The following BLTP1 variants were observed in gnomAD, a reference collection of about 807,000 sequenced individuals.
The protein encoded by BLTP1 is fragile site-associated protein.
chr4:122,160,438 G>C, the BLTP1 span, among the ~76,000 whole-genome samples: 3 of 152,174 alleles, frequency 2.0e-5, no homozygotes, highest in African/African-American at 7.2e-5. Context: ...AATGAGTAAT[G>C]TCAACCTTTT....
the BLTP1 span, chr4:122,246,105 G>A: frequency 1.3e-5 from 19 of 1,511,750 alleles, no homozygotes; most frequent in Non-Finnish European, 1.7e-5. Context: ...GGATGATGTG[G>A]AAGTTATGAA....
At chr4:122,289,071 TGA>T in the BLTP1 span, 4 of 1,604,390 alleles carry the variant, frequency 2.5e-6, no homozygotes, top group Non-Finnish European at 3.4e-6. Context: ...TAATCTAATA[TGA>T]TTTTGTCTGG....
chr4:122,353,191 A>G, the BLTP1 span: 8 of 1,602,370 alleles, frequency 5.0e-6, no homozygotes, highest in East Asian at 8.9e-5. This position sits in a 1 kb window ranked among gnomAD's most constrained non-coding sequence, Gnocchi z 4.3. Context: ...ACTTTCTCCT[A>G]TCTTCTGTTA....
chr4:122,340,450 T>A, the BLTP1 span, among the ~76,000 whole-genome samples: 1 of 152,142 alleles, frequency 6.6e-6, no homozygotes, highest in African/African-American at 2.4e-5. Flanking sequence ...TAGATTCAAA[T>A]CTTTATTCTA....
At chr4:122,324,916 T>C in the BLTP1 span, among the ~76,000 whole-genome samples, 3 of 151,940 alleles carry the variant, frequency 2.0e-5, no homozygotes, top group Non-Finnish European at 4.4e-5. Flanking sequence ...AAAGGTATAG[T>C]CACACAGACA....
At chr4:122,226,867 A>G in the BLTP1 span, 6 of 1,507,328 alleles carry the variant, frequency 4.0e-6, no homozygotes, top group Non-Finnish European at 2.7e-6. Context: ...CAATATTATA[A>G]ACATTTATGA....
chr4:122,234,672 T>C, the BLTP1 span: 2,506 of 1,251,900 alleles, frequency 2.0e-3, 3 homozygotes, highest in Non-Finnish European at 2.2e-3. Context: ...TTTAAAAATA[T>C]TTACAATTAA....
chr4:122,165,708 A>G, the BLTP1 span, among the ~76,000 whole-genome samples: 1 of 127,800 alleles, frequency 7.8e-6, no homozygotes, highest in African/African-American at 2.6e-5. Context: ...AAGTGTTCCT[A>G]TTTCTCCACA....
the BLTP1 span, chr4:122,328,409 G>T: frequency 1.3e-6 from 2 of 1,505,156 alleles, no homozygotes; most frequent in Non-Finnish European, 1.8e-6. Flanking sequence ...ATCTAGAAAT[G>T]AGCACAAAAT....
chr4:122,306,083 A>G, the BLTP1 span: 2 of 1,545,216 alleles, frequency 1.3e-6, no homozygotes, highest in South Asian at 1.3e-5. Context: ...TCTGGGATCT[A>G]GGAATGCTTT....
At chr4:122,153,892 CGT>C in the BLTP1 span, 1 of 540,230 alleles carries the variant, frequency 1.9e-6, no homozygotes, top group Non-Finnish European at 2.4e-6. Context: ...AACAAGGAAA[CGT>C]AATATTGGAC....
chr4:122,282,703 ATT>A, the BLTP1 span, among the ~76,000 whole-genome samples: 2 of 152,074 alleles, frequency 1.3e-5, no homozygotes, highest in Admixed American at 1.3e-4. Context: ...TGTCTTACCC[ATT>A]CTTTTGCTTT....
chr4:122,180,363 T>C, the BLTP1 span, among the ~76,000 whole-genome samples: 1 of 152,202 alleles, frequency 6.6e-6, no homozygotes, highest in Admixed American at 6.5e-5. Context: ...TATATTTGTT[T>C]TCAAGTTATT....
chr4:122,325,956 A>AAG, the BLTP1 span: 1 of 554,670 alleles, frequency 1.8e-6, no homozygotes, highest in Non-Finnish European at 2.9e-6. Flanking sequence ...CTTTAAAACT[A>AAG]ATCAACCACA....
chr4:122,302,179 T>C, the BLTP1 span: 1 of 606,678 alleles, frequency 1.6e-6, no homozygotes, highest in Admixed American at 6.3e-5. Context: ...ATTCAATCCA[T>C]TGAATACTAA....
the BLTP1 span, among the ~76,000 whole-genome samples, chr4:122,332,676 A>G: frequency 7.1e-6 from 1 of 141,450 alleles, no homozygotes; most frequent in African/African-American, 2.6e-5. Context: ...ACATGTGCAC[A>G]TTGTGCAGGT....
chr4:122,305,550 C>T, the BLTP1 span: 15 of 984,590 alleles, frequency 1.5e-5, no homozygotes, highest in East Asian at 3.4e-4. Context: ...ATTAAAGATA[C>T]GAGGAAAAAA....
chr4:122,162,597 G>A, the BLTP1 span: 317 of 985,198 alleles, frequency 3.2e-4, no homozygotes, highest in Non-Finnish European at 3.7e-4. Flanking sequence ...GGTGACGAAA[G>A]TCCTCTCATC....
chr4:122,249,238 A>T, the BLTP1 span: 1 of 547,532 alleles, frequency 1.8e-6, no homozygotes, highest in South Asian at 8.1e-5. Context: ...TTTTTAGAGT[A>T]TCCTGTAATC....
Sources: gnomAD v4.1 joint callset for allele counts (sites outside exome capture counted in the v4.1 genomes callset) on GRCh38, gnomAD v4.1.1 for gene constraint, Gnocchi (gnomAD v3.1) non-coding constraint, MANE v1.5 for transcripts, NCBI Gene and HGNC (gene_info 2026-07-23, HGNC 2026-07-21) for gene names.